CEP72: variants seen among roughly 807,000 people sequenced by gnomAD.
CEP72 encodes the protein centrosomal protein of 72 kDa.
Under a neutral mutation model 65.7 loss-of-function variants are expected in CEP72, and 78 were observed. That is an observed-to-expected ratio of 1.19 (90% confidence interval 0.99 to 1.43). CEP72 has a LOEUF of 1.43. Ranked by LOEUF, CEP72 falls within the 40% of genes most tolerant of loss-of-function variation. The pLI is 0.00. For synonymous variants in CEP72, 358 were observed against 351.7 expected (o/e 1.02, Z -0.20); for missense variants, 914 against 832.9 (o/e 1.10, Z -1.20).
rs1454242361 is a variant in CEP72 at position 624,886 on chromosome 5, G to A, written c.512+307G>A. On this transcript the variant is annotated intron_variant, in intron 4 of 11. Coordinates refer to ENST00000264935, the MANE Select transcript of CEP72 (RefSeq NM_018140.4). This position sits in a 1 kb window ranked among gnomAD's most constrained non-coding sequence, Gnocchi z 4.7. Reference sequence around the variant, plus strand: ...GCTGGCAGCTCTCACGTCTGTGGCTGCCTCTGCTTCCAGCTCTCGCTTCAG... The same window carrying A: ...GCTGGCAGCTCTCACGTCTGTGGCTACCTCTGCTTCCAGCTCTCGCTTCAG... Among the ~76,000 whole-genome samples, 2 of 152,232 alleles carry A rather than the reference G, an allele frequency of 1.3e-5. No homozygotes were observed. The highest frequency in any genetic ancestry group is 2.9e-5 in the Non-Finnish European group (2 of 68,048).
chr5:621,642 C>T (rs1224911914), intron 3 of CEP72, among the ~76,000 whole-genome samples: 4 of 152,176 alleles, frequency 2.6e-5, no homozygotes, highest in African/African-American at 9.7e-5. Context: ...AGCGCCTCAG[C>T]GAGTAGACCG....
chr5:634,150 A>T (rs926358699), intron 5 of CEP72, among the ~76,000 whole-genome samples: 1 of 152,242 alleles, frequency 6.6e-6, no homozygotes, highest in African/African-American at 2.4e-5. Flanking sequence ...ATATTTGAGT[A>T]TAGTCATACT....
Position 624,928 on chromosome 5 carries a change from C to G in CEP72, c.512+349C>G, listed in dbSNP as rs527284586. The stretch of plus-strand genomic sequence containing the variant: ...TCGCTTCAGCTACTTTCTTAGCTGC[C>G]CATCCAGCCAAATCCCACTTCTGGC... On this transcript the variant is annotated intron_variant, in intron 4 of 11. Transcript: ENST00000264935. This position sits in a 1 kb window ranked among gnomAD's most constrained non-coding sequence, Gnocchi z 4.7. Among the ~76,000 whole-genome samples the G allele has an allele frequency of 2.0e-5, 3 of 152,354 alleles. No homozygotes were observed. Among genetic ancestry groups the G allele is most frequent in the African/African-American group, 7.2e-5 (3 of 41,578 alleles).
chr5:634,954 G>A (rs1341999205), intron 5 of CEP72, among the ~76,000 whole-genome samples: 2 of 152,204 alleles, frequency 1.3e-5, no homozygotes, highest in Non-Finnish European at 2.9e-5. Flanking sequence ...GGAGTGCAGT[G>A]GCGCAATCTT....
At position 644,129 on chromosome 5, in the gene CEP72, C is replaced by T. The variant is rs796132903; in HGVS notation, c.1540-170C>T. The T allele has an allele frequency of 7.7e-5, 53 of 689,606 alleles. No individual in the cohort carries two copies. In the African/African-American group the frequency reaches 8.1e-4, roughly 11 times the overall value. 42.7% of individuals were successfully genotyped at this position (689,606 alleles called of 1,614,324 possible). On this transcript the variant is annotated intron_variant, in intron 9 of 11. Transcript: ENST00000264935. The stretch of plus-strand genomic sequence containing the variant: ...GAGGGTGCTGCAGGGCTGGGCAGGG[C>T]GGGCTGGGAGCAGGGAGATGTACCG...
At chr5:666,137 G>GGCGACTTAGGGCACAA in intron 4 of CEP72, 2 of 1,608,522 alleles carry the variant, frequency 1.2e-6, no homozygotes, top group Middle Eastern at 1.7e-4. Flanking sequence ...CAGGGGCACA[G>GGCGACTTAGGGCACAA]GCGACTTAGG....
chr5:670,559 C>CG (rs1450683974), downstream of CEP72, among the ~76,000 whole-genome samples: 5 of 152,144 alleles, frequency 3.3e-5, no homozygotes, highest in South Asian at 4.2e-4. Context: ...CTGGGCCCCA[C>CG]GGGGGGAGGG....
At chr5:653,697 A>G (rs1022366387), downstream of CEP72, 3 of 152,298 alleles carry the variant, frequency 2.0e-5, no homozygotes, top group Non-Finnish European at 2.9e-5. Flanking sequence ...ATGTGGGGGA[A>G]AAAACCTTAA....
rs1476101153 is a variant in CEP72, at chr5:620,277, G to A, written c.403+16G>A. Reference sequence around the variant, plus strand: ...CAGCAGCTGGGTAGGCATCAGGCAGGGCCACGCTCATGCTTTTGTCCCCGT... The same window carrying A: ...CAGCAGCTGGGTAGGCATCAGGCAGAGCCACGCTCATGCTTTTGTCCCCGT... On this transcript the variant is annotated intron_variant, in intron 3 of 11. Coordinates refer to ENST00000264935, the MANE Select transcript of CEP72 (RefSeq NM_018140.4). 1.2e-6 allele frequency: 2 copies of A among 1,606,512 alleles called. No individual in the cohort carries two copies. Among genetic ancestry groups the A allele is most frequent in the Non-Finnish European group, 1.7e-6 (2 of 1,173,470 alleles).
rs1410380993 is a variant in CEP72, at chr5:625,679, G to A, written c.512+1100G>A. Among the ~76,000 whole-genome samples, 5 of 152,182 alleles carry A rather than the reference G, an allele frequency of 3.3e-5. No homozygotes were observed. The South Asian group carries it at 6.2e-4, about 19-fold the overall frequency. On this transcript the variant is annotated intron_variant, in intron 4 of 11. Coordinates refer to ENST00000264935, the MANE Select transcript of CEP72 (RefSeq NM_018140.4). ...CCCATTTCAAACCAGACTACTTGCT[G>A]CGTGGACAGCAGCACTCTGGTACCT... is the stretch of plus-strand genomic sequence containing the variant.
Position 628,668 on chromosome 5 carries a change from C to T in CEP72, c.512+4089C>T, listed in dbSNP as rs77512137. On this transcript the variant is annotated intron_variant, in intron 4 of 11. Coordinates refer to ENST00000264935, the MANE Select transcript of CEP72 (RefSeq NM_018140.4). ...CCCAGCCCCCTTCTTTGTGCAGCTT[C>T]TGGAGAACTCAGGTCACAGGCCCCG... Among the ~76,000 whole-genome samples, 444 of 75,018 alleles carry T rather than the reference C, an allele frequency of 5.9e-3. 30 individuals carry two copies. The highest frequency in any genetic ancestry group is 8.9e-3 in the Middle Eastern group (1 of 112). The allele number at this position is 75,018 out of a possible 152,430, so 49.2% of individuals were successfully genotyped here. A position where few individuals can be genotyped will look rare whatever the true frequency, so the allele number is the denominator to read the frequency against.
chr5:672,087 G>C (rs996387535), downstream of CEP72, among the ~76,000 whole-genome samples: 3 of 152,218 alleles, frequency 2.0e-5, no homozygotes, highest in African/African-American at 7.2e-5. Flanking sequence ...TCCAAACCTG[G>C]GTCCTGCTCC....
intron 10 of CEP72, among the ~76,000 whole-genome samples, chr5:647,074 C>T (rs893005493): frequency 1.3e-5 from 2 of 152,238 alleles, no homozygotes; most frequent in South Asian, 2.1e-4. Context: ...CTTCACGCGG[C>T]GTGGCCTTCA....
In CEP72 at chr5:640,645, G is replaced by C. The variant is rs1199707630; in HGVS notation, c.1539+41G>C. 4 of 1,562,876 alleles carry C rather than the reference G, an allele frequency of 2.6e-6. 1 individual carries two copies. In the South Asian group the frequency reaches 4.7e-5, roughly 18 times the overall value. ...CGCTGTGTCTGTGTCCATGTGACTG[G>C]GGGAAACATGGCTCTGACTTCCAGG... On this transcript the variant is annotated intron_variant, in intron 9 of 11. Coordinates refer to ENST00000264935, the MANE Select transcript of CEP72 (RefSeq NM_018140.4).
chr5:616,377 G>GT (rs1454652258), intron 1 of CEP72, among the ~76,000 whole-genome samples: 4 of 151,380 alleles, frequency 2.6e-5, no homozygotes. Flanking sequence ...TGTCTCAGGT[G>GT]TTTGTAATTG....
intron 4 of CEP72, among the ~76,000 whole-genome samples, chr5:628,228 C>T (rs1427717977): frequency 6.6e-6 from 1 of 152,222 alleles, no homozygotes; most frequent in African/African-American, 2.4e-5. Flanking sequence ...GTCCACAGTT[C>T]CCGTCTTTGA....
chr5:619,166 GA>G, intron 2 of CEP72, 49 bp downstream of exon 2: 1 of 1,562,372 alleles, frequency 6.4e-7, no homozygotes, highest in Non-Finnish European at 8.8e-7. Flanking sequence ...AACATCAGTG[GA>G]AAGTCCATTC....
intron 11 of CEP72, among the ~76,000 whole-genome samples, chr5:651,085 G>A (rs1411839943): frequency 1.2e-5 from 1 of 80,180 alleles, no homozygotes; most frequent in Admixed American, 1.2e-4. Flanking sequence ...ACTGTGAGGC[G>A]TGGACTGTGA....
intron 1 of CEP72, chr5:662,424 C>T (rs1350391068): frequency 2.0e-5 from 3 of 152,446 alleles, no homozygotes; most frequent in African/African-American, 7.2e-5. Context: ...CAGCACCTCT[C>T]CTCAGTGTCC....
Sources: gnomAD v4.1 joint callset for allele counts (sites outside exome capture counted in the v4.1 genomes callset) on GRCh38, gnomAD v4.1.1 for gene constraint, Gnocchi (gnomAD v3.1) non-coding constraint, MANE v1.5 for transcripts, NCBI Gene and HGNC (gene_info 2026-07-23, HGNC 2026-07-21) for gene names.